Variants in USH2A observed in about 807,000 individuals in gnomAD.
USH2A encodes usherin.
Under a neutral mutation model 538.9 loss-of-function variants are expected in USH2A, and 443 were observed. The observed-to-expected ratio is 0.82, with a 90% CI of 0.76 to 0.89. USH2A has a LOEUF of 0.89. Ranked by LOEUF, USH2A falls within the 40% of genes least tolerant of loss-of-function variation. The pLI, the probability that USH2A is intolerant of heterozygous loss-of-function variation, is 0.00. For missense variants in USH2A, 6,633 were observed against 6,324.8 expected (o/e 1.05, Z -1.65); for synonymous variants, 2,413 against 2,273.5 (o/e 1.06, Z -1.75).
In USH2A at chr1:215,888,840, G is replaced by A. The variant is rs766915522; in HGVS notation, c.7809C>T (p.Cys2603=). The change falls in exon 41 of 72, where the codon TGC becomes TGT. Residue 2603 remains cysteine (C), a synonymous_variant. Transcript: ENST00000307340. ...GTGAAAGGGAACATCCTTTTGAAGT[G>A]CAGGCTTCTACCTGAAACTTATAGG... ...YTAYKFQVEA[C]TSKGCSLSPE... The A allele has an allele frequency of 3.1e-6, 5 of 1,614,142 alleles. No homozygotes were observed. The highest frequency in any genetic ancestry group is 3.4e-6 in the Non-Finnish European group (4 of 1,180,000).
At chr1:216,117,816 A>G (rs1192927557) in intron 21 of USH2A, among the ~76,000 whole-genome samples, 3 of 140,228 alleles carry the variant, frequency 2.1e-5, no homozygotes, top group African/African-American at 8.5e-5. Flanking sequence ...ATATATATGT[A>G]TATATATATA....
At chr1:215,761,193 A>T (rs1660971693) in intron 56 of USH2A, among the ~76,000 whole-genome samples, 1 of 152,100 alleles carries the variant, frequency 6.6e-6, no homozygotes, top group South Asian at 2.1e-4. Context: ...ACATTTTTGC[A>T]TTTTGTTCTC....
chr1:215,688,385 G>A (rs960743588), intron 61 of USH2A, among the ~76,000 whole-genome samples: 1 of 152,108 alleles, frequency 6.6e-6, no homozygotes, highest in Admixed American at 6.6e-5. Context: ...TCCAATTTCA[G>A]TGGAAAACTA....
intron 40 of USH2A, among the ~76,000 whole-genome samples, 182 bp from the exon 41 acceptor site, chr1:215,889,236 C>T (rs925471201): frequency 3.3e-5 from 5 of 152,058 alleles, no homozygotes; most frequent in South Asian, 2.1e-4. Flanking sequence ...ATAAATTTTG[C>T]GTGTGAAATA....
chr1:216,227,049 C>A, intron 14 of USH2A, among the ~76,000 whole-genome samples: 1 of 152,164 alleles, frequency 6.6e-6, no homozygotes, highest in Non-Finnish European at 1.5e-5. Context: ...TGGAAAGCAC[C>A]ACTGACCCCT....
intron 3 of USH2A, among the ~76,000 whole-genome samples, chr1:216,370,677 C>CAAAAAAAGAAAAAAAAAAA (rs2038694640): frequency 3.3e-5 from 1 of 29,990 alleles, no homozygotes; most frequent in Non-Finnish European, 6.1e-5. Flanking sequence ...GACTCTGTCT[C>CAAAAAAAGAAAAAAAAAAA]AAAAAAAAAA....
chr1:215,892,351 T>C (rs1287391623), intron 40 of USH2A, among the ~76,000 whole-genome samples: 1 of 152,174 alleles, frequency 6.6e-6, no homozygotes, highest in Non-Finnish European at 1.5e-5. Flanking sequence ...AAAGCCTCGC[T>C]CAGTTTAAAA....
At chr1:216,325,649 A>G in intron 5 of USH2A, 50 bp from the exon 6 acceptor site, 1 of 1,568,112 alleles carries the variant, frequency 6.4e-7, no homozygotes, top group Non-Finnish European at 8.7e-7. Context: ...TAACAGTAAT[A>G]GAACTTCTAG....
chr1:216,111,107 C>T (rs1445307653), intron 21 of USH2A, among the ~76,000 whole-genome samples: 5 of 152,048 alleles, frequency 3.3e-5, no homozygotes, highest in African/African-American at 1.2e-4. Context: ...ACTTGTAATC[C>T]CAGCTACTCA....
At chr1:216,128,095 A>C (rs1401035251) in intron 21 of USH2A, among the ~76,000 whole-genome samples, 1 of 152,122 alleles carries the variant, frequency 6.6e-6, no homozygotes, top group Non-Finnish European at 1.5e-5. Flanking sequence ...TATGAGGAAA[A>C]TGTAGATATT....
chr1:215,930,993 CA>C (rs1423656263), intron 38 of USH2A, among the ~76,000 whole-genome samples: 1 of 151,676 alleles, frequency 6.6e-6, no homozygotes, highest in African/African-American at 2.4e-5. Flanking sequence ...TATGTTATTA[CA>C]AACAACCTAA....
At chr1:215,844,081 G>C (rs73090730) in intron 46 of USH2A, among the ~76,000 whole-genome samples, 2 of 151,998 alleles carry the variant, frequency 1.3e-5, no homozygotes, top group Non-Finnish European at 2.9e-5. Context: ...CATCACCATC[G>C]TTTTCCATAT....
At chr1:216,388,665 A>G (rs929747226) in intron 3 of USH2A, among the ~76,000 whole-genome samples, 4 of 152,222 alleles carry the variant, frequency 2.6e-5, no homozygotes. Context: ...GTGAGACCCA[A>G]ATGCAAATGC....
At chr1:216,111,766 A>G (rs2032878948) in intron 21 of USH2A, among the ~76,000 whole-genome samples, 1 of 151,032 alleles carries the variant, frequency 6.6e-6, no homozygotes, top group Admixed American at 6.6e-5. Flanking sequence ...GAAAATTTTC[A>G]CATAAAATTA....
intron 11 of USH2A, among the ~76,000 whole-genome samples, chr1:216,254,446 G>T (rs541744176): frequency 6.6e-6 from 1 of 151,920 alleles, no homozygotes; most frequent in South Asian, 2.1e-4. Context: ...TCTTTGGTAC[G>T]ATCCTTCCAC....
intron 11 of USH2A, among the ~76,000 whole-genome samples, chr1:216,279,613 TA>T (rs1040106757): frequency 1.3e-5 from 2 of 152,118 alleles, no homozygotes; most frequent in African/African-American, 4.8e-5. Flanking sequence ...ATCTGTCTTT[TA>T]AAAAGATACC....
chr1:216,009,913 T>A (rs1263230281), intron 32 of USH2A, among the ~76,000 whole-genome samples: 2 of 152,178 alleles, frequency 1.3e-5, no homozygotes, highest in Non-Finnish European at 2.9e-5. Context: ...AGATAGCGTT[T>A]AGGCTGTTTT....
chr1:215,726,495 A>T (rs1474404377), intron 61 of USH2A, among the ~76,000 whole-genome samples: 2 of 152,214 alleles, frequency 1.3e-5, no homozygotes, highest in Non-Finnish European at 2.9e-5. Flanking sequence ...TTAATTTAAA[A>T]GGGCTCTTCT....
intron 32 of USH2A, among the ~76,000 whole-genome samples, chr1:216,009,801 ATGACTAGC>A (rs1668500195): frequency 6.6e-6 from 1 of 152,140 alleles, no homozygotes; most frequent in African/African-American, 2.4e-5. Context: ...GTTTCGTTCC[ATGACTAGC>A]CCTCCCCAAC....
Sources: allele counts gnomAD v4.1 joint callset (sites outside exome capture counted in the v4.1 genomes callset), GRCh38; gene constraint gnomAD v4.1.1; transcripts MANE v1.5; gene names NCBI Gene and HGNC (gene_info 2026-07-23, HGNC 2026-07-21).